PEBP4: variants seen among roughly 807,000 people sequenced by gnomAD.
PEBP4 encodes phosphatidylethanolamine binding protein 4.
A neutral mutation model predicts 23.9 loss-of-function variants in PEBP4; 22 were observed. The observed-to-expected ratio is 0.92, with a 90% CI of 0.66 to 1.31. The LOEUF (loss-of-function observed/expected upper bound fraction) is 1.31, where lower values mean the gene tolerates loss of function less well. Among genes scored for constraint, PEBP4 ranks in the 40% most tolerant of loss-of-function variants. The pLI, the probability that PEBP4 is intolerant of heterozygous loss-of-function variation, is 0.00. For synonymous variants in PEBP4, 112 were observed against 99.3 expected, an observed-to-expected ratio of 1.13 and a Z score of -0.76; for missense variants, 324 against 281.7, an observed-to-expected ratio of 1.15 and a Z score of -1.07.
Position 22,736,087 on chromosome 8 carries a change from G to A in PEBP4, c.358-8867C>T, listed in dbSNP as rs982804528. ...CCTGTACTGGCTGGGACTCCCAACT[G>A]TCTGCCCTCGGGGAACTCCTGCTTG... On this transcript the variant is annotated intron_variant, in intron 4 of 6. Coordinates refer to ENST00000256404, the MANE Select transcript of PEBP4 (RefSeq NM_144962.3). Among the ~76,000 whole-genome samples the A allele has an allele frequency of 5.9e-5, 9 of 152,194 alleles. No homozygotes were observed. The East Asian group carries it at 7.7e-4, about 13-fold the overall frequency.
upstream of PEBP4, among the ~76,000 whole-genome samples, chr8:22,930,424 A>G (rs182293356): frequency 1.3e-5 from 2 of 152,098 alleles, no homozygotes; most frequent in East Asian, 1.9e-4. Flanking sequence ...TAGTGATAGT[A>G]TCTCCTCATC....
chr8:22,903,000 C>T (rs915166543), intron 3 of PEBP4, among the ~76,000 whole-genome samples: 2 of 152,128 alleles, frequency 1.3e-5, no homozygotes, highest in African/African-American at 4.8e-5. Flanking sequence ...GTAGGGACCT[C>T]ATAAATAGGA....
At chr8:22,763,354 T>A (rs1805548858) in intron 4 of PEBP4, among the ~76,000 whole-genome samples, 1 of 152,148 alleles carries the variant, frequency 6.6e-6, no homozygotes, top group Admixed American at 6.5e-5. Flanking sequence ...CACTCCACAA[T>A]ATCCCCAACC....
At chr8:22,900,808 T>A (rs1173976575) in intron 3 of PEBP4, among the ~76,000 whole-genome samples, 2 of 152,168 alleles carry the variant, frequency 1.3e-5, no homozygotes, top group African/African-American at 2.4e-5. Flanking sequence ...CCAGAAGGCA[T>A]TTTATATGCG....
At chr8:22,848,258 C>T (rs549718859) in intron 3 of PEBP4, among the ~76,000 whole-genome samples, 4 of 152,122 alleles carry the variant, frequency 2.6e-5, no homozygotes, top group African/African-American at 9.7e-5. Flanking sequence ...CAGAGAGAGA[C>T]GAGAGGCTGT....
At chr8:22,879,644 C>G (rs1023601226) in intron 3 of PEBP4, among the ~76,000 whole-genome samples, 1 of 152,144 alleles carries the variant, frequency 6.6e-6, no homozygotes, top group Non-Finnish European at 1.5e-5. Flanking sequence ...CGTTATCCCA[C>G]GAGGGTCGAG....
intron 4 of PEBP4, among the ~76,000 whole-genome samples, chr8:22,802,881 C>A (rs1806416922): frequency 6.6e-6 from 1 of 152,180 alleles, no homozygotes; most frequent in Non-Finnish European, 1.5e-5. Flanking sequence ...GTGTTATCAT[C>A]AAAATCTACC....
At chr8:22,777,187 T>C (rs1805830610) in intron 4 of PEBP4, among the ~76,000 whole-genome samples, 1 of 152,084 alleles carries the variant, frequency 6.6e-6, no homozygotes, top group Non-Finnish European at 1.5e-5. Context: ...TTTTCCCCGA[T>C]TTCCCTCTTT....
At chr8:22,815,945 G>A (rs867612631) in intron 4 of PEBP4, among the ~76,000 whole-genome samples, 5 of 152,268 alleles carry the variant, frequency 3.3e-5, no homozygotes, top group Non-Finnish European at 5.9e-5. Flanking sequence ...TTTGCACTCC[G>A]GCCTCAGGAC....
At chr8:22,919,931 G>A (rs775894399) in intron 3 of PEBP4, among the ~76,000 whole-genome samples, 2 of 152,180 alleles carry the variant, frequency 1.3e-5, no homozygotes, top group African/African-American at 2.4e-5. Context: ...GAGCAGGGGA[G>A]CAGGAAAAGG....
At chr8:22,800,711 A>T (rs1247009912) in intron 4 of PEBP4, among the ~76,000 whole-genome samples, 1 of 152,122 alleles carries the variant, frequency 6.6e-6, no homozygotes, top group Non-Finnish European at 1.5e-5. Context: ...CTGGGATTAC[A>T]GCAGGACTGG....
At chr8:22,779,365 T>C (rs1274094626) in intron 4 of PEBP4, among the ~76,000 whole-genome samples, 1 of 152,044 alleles carries the variant, frequency 6.6e-6, no homozygotes, top group Non-Finnish European at 1.5e-5. Context: ...AATAAGTGAC[T>C]TCTCAAAGGT....
chr8:22,719,874 C>G (rs1804485916), intron 6 of PEBP4, among the ~76,000 whole-genome samples: 1 of 152,204 alleles, frequency 6.6e-6, no homozygotes. Context: ...GGACGTCGAT[C>G]AATGCAGAGA....
chr8:22,793,867 A>C (rs761336324), intron 4 of PEBP4, among the ~76,000 whole-genome samples: 6 of 152,238 alleles, frequency 3.9e-5, no homozygotes, highest in Non-Finnish European at 7.3e-5. Flanking sequence ...CATTCAATAC[A>C]CACAGCCAAA....
At chr8:22,935,911 C>T (rs1463878288) in intron 1 of PEBP4, among the ~76,000 whole-genome samples, 1 of 151,042 alleles carries the variant, frequency 6.6e-6, no homozygotes, top group African/African-American at 2.4e-5. Flanking sequence ...GCTGTACATG[C>T]TGTAAAATAG....
chr8:22,723,628 G>A (rs1377775662), intron 6 of PEBP4, among the ~76,000 whole-genome samples: 1 of 152,138 alleles, frequency 6.6e-6, no homozygotes, highest in East Asian at 1.9e-4. Context: ...TCTTGGTCTG[G>A]GCAAGATACA....
intron 3 of PEBP4, chr8:22,878,311 A>T (rs920695589): frequency 6.6e-6 from 1 of 152,106 alleles, no homozygotes; most frequent in African/African-American, 2.4e-5. Context: ...GTAAGATGGT[A>T]TTTGGGGGCC....
chr8:22,874,331 A>G (rs1808074963), intron 3 of PEBP4, among the ~76,000 whole-genome samples: 1 of 152,232 alleles, frequency 6.6e-6, no homozygotes, highest in African/African-American at 2.4e-5. Flanking sequence ...TTGACACTCA[A>G]AAGCCCGAAA....
chr8:22,862,100 C>T lies in PEBP4; in HGVS notation c.259-44365G>A, dbSNP rs193010209. 3.4e-3 allele frequency among the ~76,000 whole-genome samples: 516 copies of T among 152,208 alleles called. 3 individuals are homozygous for T. Among genetic ancestry groups the T allele is most frequent in the Non-Finnish European group, 5.7e-3 (386 of 68,014 alleles). ...GAAGAGAAAGAAAAGATCAAAAGCACTCCGGCTGAACTGAAGGTATGGGGT... is the reference window on the plus strand; with the variant it reads ...GAAGAGAAAGAAAAGATCAAAAGCATTCCGGCTGAACTGAAGGTATGGGGT... On this transcript the variant is annotated intron_variant, in intron 3 of 6. Coordinates refer to ENST00000256404, the MANE Select transcript of PEBP4 (RefSeq NM_144962.3).
Sources: allele counts gnomAD v4.1 joint callset (sites outside exome capture counted in the v4.1 genomes callset), GRCh38; gene constraint gnomAD v4.1.1; transcripts MANE v1.5; gene names NCBI Gene and HGNC (gene_info 2026-07-23, HGNC 2026-07-21).